The following WDPCP variants were observed in gnomAD, a reference collection of about 807,000 sequenced individuals.
WDPCP encodes the protein WD repeat-containing and planar cell polarity effector protein fritz homolog.
Under a neutral mutation model 93.1 loss-of-function variants are expected in WDPCP, and 71 were observed. That is an observed-to-expected ratio of 0.76 (90% CI 0.63 to 0.93). The LOEUF is 0.93. Among genes scored for constraint, WDPCP ranks in the 40% least tolerant of loss-of-function variants. The probability of loss-of-function intolerance (pLI) is 0.00; values close to 1 mark genes in which losing one functional copy is unlikely to be tolerated. For missense variants in WDPCP, 844 were observed against 887.4 expected, an observed-to-expected ratio of 0.95 and a Z score of 0.62; for synonymous variants, 315 against 315.0, an observed-to-expected ratio of 1.00 and a Z score of 0.00.
At chr2:63,619,408 C>T (rs1165872927) in intron 3 of WDPCP, among the ~76,000 whole-genome samples, 1 of 152,206 alleles carries the variant, frequency 6.6e-6, no homozygotes, top group Non-Finnish European at 1.5e-5. Flanking sequence ...CTCTATAAAG[C>T]TCAATCTAAA....
chr2:63,501,949 A>C (rs1386226787), intron 1 of WDPCP, among the ~76,000 whole-genome samples: 1 of 152,194 alleles, frequency 6.6e-6, no homozygotes, highest in Non-Finnish European at 1.5e-5. Context: ...TTAAAATTAC[A>C]AAAGCAACAC....
intron 2 of WDPCP, among the ~76,000 whole-genome samples, chr2:63,812,833 T>C (rs1670881304): frequency 6.6e-6 from 1 of 151,940 alleles, no homozygotes; most frequent in African/African-American, 2.4e-5. Context: ...ATAATCTATG[T>C]CCCCCATCTA....
At chr2:63,430,590 T>A (rs1696670385) in intron 9 of WDPCP, among the ~76,000 whole-genome samples, 1 of 152,194 alleles carries the variant, frequency 6.6e-6, no homozygotes, top group African/African-American at 2.4e-5. Flanking sequence ...CTAATTAAGA[T>A]ATGGACTGTT....
chr2:63,580,904 T>A (rs1708449855), intron 1 of WDPCP, among the ~76,000 whole-genome samples: 1 of 152,156 alleles, frequency 6.6e-6, no homozygotes, highest in Non-Finnish European at 1.5e-5. Flanking sequence ...CAAGTTACTC[T>A]CGAATGATTC....
At chr2:63,613,951 C>A (rs1430955016) in intron 3 of WDPCP, among the ~76,000 whole-genome samples, 1 of 152,190 alleles carries the variant, frequency 6.6e-6, no homozygotes, top group African/African-American at 2.4e-5. Flanking sequence ...GACTAAACAT[C>A]ATCACCATGC....
At chr2:63,467,922 T>C (rs901321422) in intron 6 of WDPCP, among the ~76,000 whole-genome samples, 2 of 152,166 alleles carry the variant, frequency 1.3e-5, no homozygotes, top group African/African-American at 4.8e-5. Flanking sequence ...AATGTAAATC[T>C]TTGTGAGTGT....
At chr2:63,427,624 G>C (rs1310123541) in intron 9 of WDPCP, among the ~76,000 whole-genome samples, 1 of 152,072 alleles carries the variant, frequency 6.6e-6, no homozygotes, top group Non-Finnish European at 1.5e-5. Flanking sequence ...CCTACATCAC[G>C]AAGTTAGAAA....
At chr2:63,771,547 T>A (rs1254080873) in intron 2 of WDPCP, among the ~76,000 whole-genome samples, 2 of 151,966 alleles carry the variant, frequency 1.3e-5, no homozygotes, top group Non-Finnish European at 2.9e-5. Context: ...GTTTTTTTTT[T>A]AATTTCAACT....
chr2:63,294,243 C>A (rs1231546047), intron 13 of WDPCP, among the ~76,000 whole-genome samples: 1 of 152,152 alleles, frequency 6.6e-6, no homozygotes, highest in Non-Finnish European at 1.5e-5. Context: ...GTGGCTCATG[C>A]CTGTAATCCC....
intron 12 of WDPCP, among the ~76,000 whole-genome samples, chr2:63,347,238 G>A (rs1263906780): frequency 6.6e-6 from 1 of 152,208 alleles, no homozygotes; most frequent in Non-Finnish European, 1.5e-5. Flanking sequence ...CTCAAGTACA[G>A]AGATGTTAAA....
At chr2:63,388,667 T>C (rs1034737002) in intron 10 of WDPCP, among the ~76,000 whole-genome samples, 2 of 152,078 alleles carry the variant, frequency 1.3e-5, no homozygotes, top group Admixed American at 1.3e-4. Flanking sequence ...GTTAGACGAA[T>C]GGCTAACTAG....
chr2:63,165,494 A>T (rs112896324), intron 15 of WDPCP, among the ~76,000 whole-genome samples: 5 of 151,716 alleles, frequency 3.3e-5, no homozygotes, highest in Non-Finnish European at 7.4e-5. Context: ...TTTATTTTCA[A>T]TGCTTTGGAA....
intron 6 of WDPCP, 140 bp downstream of exon 6, chr2:63,484,464 A>T (rs1700447209): frequency 1.1e-6 from 1 of 891,170 alleles, no homozygotes; most frequent in East Asian, 2.6e-5. Flanking sequence ...TAGCTCTAGA[A>T]CAACTAGAAT....
intron 14 of WDPCP, among the ~76,000 whole-genome samples, chr2:63,226,216 A>G (rs1367769018): frequency 6.6e-6 from 1 of 151,884 alleles, no homozygotes; most frequent in Non-Finnish European, 1.5e-5. Context: ...GGTTTGGTCA[A>G]CAATGGAATG....
chr2:63,533,264 A>C (rs922817986), intron 1 of WDPCP, among the ~76,000 whole-genome samples: 1 of 152,184 alleles, frequency 6.6e-6, no homozygotes, highest in African/African-American at 2.4e-5. Context: ...ATAATGGGAG[A>C]CTTGAACACC....
intron 2 of WDPCP, among the ~76,000 whole-genome samples, chr2:63,735,590 G>A (rs565327913): frequency 1.4e-4 from 22 of 152,286 alleles, no homozygotes; most frequent in Admixed American, 2.6e-4. Context: ...GGGAAGAGCT[G>A]TATGTGGGAA....
intron 2 of WDPCP, among the ~76,000 whole-genome samples, chr2:63,658,040 T>C (rs1300964167): frequency 6.6e-6 from 1 of 152,172 alleles, no homozygotes; most frequent in Non-Finnish European, 1.5e-5. Context: ...CAATCTATAA[T>C]TTTTTTAATG....
intron 1 of WDPCP, among the ~76,000 whole-genome samples, chr2:63,522,919 C>T (rs1703049959): frequency 6.6e-6 from 1 of 152,130 alleles, no homozygotes; most frequent in Non-Finnish European, 1.5e-5. Context: ...TGAAATTTCT[C>T]CAAAAACTGA....
intron 2 of WDPCP, among the ~76,000 whole-genome samples, chr2:63,797,643 G>T (rs1670636007): frequency 6.6e-6 from 1 of 151,802 alleles, no homozygotes; most frequent in African/African-American, 2.4e-5. Flanking sequence ...ATATTCAGAG[G>T]AGACTAAAGA....
Sources: gnomAD v4.1 joint callset for allele counts (sites outside exome capture counted in the v4.1 genomes callset) on GRCh38, gnomAD v4.1.1 for gene constraint, MANE v1.5 for transcripts, NCBI Gene and HGNC (gene_info 2026-07-23, HGNC 2026-07-21) for gene names.